The following VPS13B variants were observed in gnomAD, a reference collection of about 807,000 sequenced individuals.
VPS13B encodes the protein vacuolar protein sorting 13 homolog B, also known as intermembrane lipid transfer protein VPS13B.
In VPS13B, 285 loss-of-function variants were observed where a neutral mutation model predicts 426.4. The observed-to-expected ratio is 0.67, with a 90% confidence interval of 0.61 to 0.74. The LOEUF (loss-of-function observed/expected upper bound fraction) is 0.74. Among genes scored for constraint, VPS13B ranks in the 30% least tolerant of loss-of-function variants. The pLI, the probability that VPS13B is intolerant of heterozygous loss-of-function variation, is 0.00. For missense variants in VPS13B, 4,537 were observed against 4,782.6 expected (o/e 0.95, Z 1.51); for synonymous variants, 1,676 against 1,676.4 (o/e 1.00, Z 0.01).
At chr8:99,540,821 T>C (rs1344992857) in intron 30 of VPS13B, among the ~76,000 whole-genome samples, 2 of 152,194 alleles carry the variant, frequency 1.3e-5, no homozygotes, top group African/African-American at 2.4e-5. Context: ...ATTTTTATTG[T>C]GGTTTCGAGG....
chr8:99,874,832 C>G (rs1334554087), intron 61 of VPS13B, among the ~76,000 whole-genome samples: 2 of 152,140 alleles, frequency 1.3e-5, no homozygotes, highest in Non-Finnish European at 2.9e-5. Context: ...ATAAAAATTT[C>G]CCCTTCCGCT....
chr8:99,156,929 G>C (rs1013742793), intron 15 of VPS13B, among the ~76,000 whole-genome samples, 186 bp downstream of exon 15: 1 of 152,070 alleles, frequency 6.6e-6, no homozygotes, highest in Admixed American at 6.5e-5. Flanking sequence ...TTATTTTAAA[G>C]ATTTTTCAAT....
Position 99,580,340 on chromosome 8 carries a change from A to ATTTCT in VPS13B, c.5220+2731_5220+2735dup, listed in dbSNP as rs530175864. ...TATAACATTAAATATATATATATAT[A>ATTTCT]TTTCTTTTCTTTTCTTTTCTTTTCT... On this transcript the variant is annotated intron_variant, in intron 33 of 61. Coordinates refer to ENST00000357162, the MANE Select transcript of VPS13B (RefSeq NM_152564.5). Among the ~76,000 whole-genome samples, 516 of 141,366 alleles carry ATTTCT rather than the reference A, an allele frequency of 3.7e-3. 3 individuals carry two copies. The highest frequency in any genetic ancestry group is 0.01 in the African/African-American group (391 of 38,254). The allele number at this position is 141,366 out of a possible 152,430, so 92.7% of individuals were successfully genotyped here.
chr8:99,399,885 T>A (rs1449009499), intron 21 of VPS13B, among the ~76,000 whole-genome samples: 2 of 152,208 alleles, frequency 1.3e-5, no homozygotes, highest in African/African-American at 4.8e-5. Context: ...ATACTACACT[T>A]TATTTAACAT....
At chr8:99,573,741 C>T (rs2133804348) in intron 31 of VPS13B, among the ~76,000 whole-genome samples, 1 of 152,152 alleles carries the variant, frequency 6.6e-6, no homozygotes, top group African/African-American at 2.4e-5. Context: ...CGTGATGCCT[C>T]CAGCTTTGTT....
chr8:99,030,212 GT>G (rs1168780930), intron 2 of VPS13B, among the ~76,000 whole-genome samples: 46 of 29,128 alleles, frequency 1.6e-3, no homozygotes, highest in African/African-American at 5.2e-3. Flanking sequence ...TTAATTATCT[GT>G]TTTTTTTGTT....
At chr8:99,565,685 A>G (rs1825143094) in intron 31 of VPS13B, among the ~76,000 whole-genome samples, 1 of 152,210 alleles carries the variant, frequency 6.6e-6, no homozygotes, top group East Asian at 1.9e-4. Flanking sequence ...TTAATCAAAC[A>G]TGAGATTTTT....
intron 27 of VPS13B, among the ~76,000 whole-genome samples, chr8:99,503,343 T>C (rs902186677): frequency 6.6e-6 from 1 of 152,240 alleles, no homozygotes; most frequent in African/African-American, 2.4e-5. Context: ...TGATGGCTGC[T>C]GACTGATCGG....
At chr8:99,539,908 T>C (rs1823466616) in intron 30 of VPS13B, among the ~76,000 whole-genome samples, 1 of 146,338 alleles carries the variant, frequency 6.8e-6, no homozygotes, top group African/African-American at 2.5e-5. Flanking sequence ...AGCATTTATA[T>C]ATATATATAC....
rs1450351706 is a variant in VPS13B at position 99,835,535 on chromosome 8, T to G, written c.9743-4T>G. 2.5e-6 allele frequency: 4 copies of G among 1,614,016 alleles called. No individual in the cohort carries two copies. The highest frequency in any genetic ancestry group is 1.7e-5 in the Admixed American group (1 of 60,018). ...TTCTGCATATGCCTTTTTTAAAATT[T>G]CAGATATTCCAAAGTTTGAGGTTTA... On this transcript the variant is annotated splice_polypyrimidine_tract_variant and splice_region_variant and intron_variant, in intron 53 of 61. Coordinates refer to ENST00000357162, the MANE Select transcript of VPS13B (RefSeq NM_152564.5).
At chr8:99,633,182 G>A (rs1828918573) in intron 33 of VPS13B, among the ~76,000 whole-genome samples, 1 of 151,950 alleles carries the variant, frequency 6.6e-6, no homozygotes, top group Non-Finnish European at 1.5e-5. Flanking sequence ...TGATTTAGGG[G>A]ATAAAGTAAT....
chr8:99,571,412 G>T (rs1271540670), intron 31 of VPS13B, among the ~76,000 whole-genome samples: 1 of 151,998 alleles, frequency 6.6e-6, no homozygotes, highest in Non-Finnish European at 1.5e-5. Context: ...ATTTACCAGA[G>T]ATATCATAAA....
chr8:99,260,069 G>A (rs571387898), intron 17 of VPS13B, among the ~76,000 whole-genome samples: 8 of 152,170 alleles, frequency 5.3e-5, no homozygotes, highest in African/African-American at 1.9e-4. Flanking sequence ...GAATTTTTTG[G>A]AGGTTGGAAG....
intron 36 of VPS13B, among the ~76,000 whole-genome samples, chr8:99,709,989 G>A (rs1451836599): frequency 1.3e-5 from 2 of 152,178 alleles, no homozygotes; most frequent in Non-Finnish European, 2.9e-5. Context: ...AAAATGACCT[G>A]ATCAGCAATT....
chr8:99,472,821 T>C (rs546451096), intron 24 of VPS13B, among the ~76,000 whole-genome samples: 1 of 152,082 alleles, frequency 6.6e-6, no homozygotes, highest in African/African-American at 2.4e-5. Flanking sequence ...AAATGCAAAC[T>C]ACTAATATCA....
At chr8:99,811,193 T>C (rs947416567) in intron 44 of VPS13B, among the ~76,000 whole-genome samples, 1 of 152,204 alleles carries the variant, frequency 6.6e-6, no homozygotes, top group African/African-American at 2.4e-5. Flanking sequence ...CAGCCCTTTC[T>C]GTTTGCTACC....
In VPS13B at chr8:99,821,357, A is replaced by T; in HGVS notation, c.9058A>T (p.Lys3020Ter). The change falls in exon 50 of 62, where the codon AAA becomes TAA. Residue 3020 changes from lysine (K) to a stop codon, truncating the protein, a stop_gained. Transcript: ENST00000357162. LOFTEE classifies it high-confidence loss of function. ...CACTGTGCACAAGTCAGTAGCAATT[A>T]AACTGGTCCATAACCTGACATCTCC... ...TNTVHKSVAI[K>*]LVHNLTSPKW... 1 of 1,613,906 alleles carries T rather than the reference A, an allele frequency of 6.2e-7. No homozygotes were observed. The highest frequency in any genetic ancestry group is 8.5e-7 in the Non-Finnish European group (1 of 1,179,848).
chr8:99,183,328 C>CT (rs1230121949), intron 16 of VPS13B, among the ~76,000 whole-genome samples: 4 of 151,728 alleles, frequency 2.6e-5, no homozygotes, highest in African/African-American at 7.2e-5. Context: ...GTTTGTTTTT[C>CT]TTTTTTTTGA....
chr8:99,452,331 G>A (rs1818238862), intron 23 of VPS13B, among the ~76,000 whole-genome samples: 2 of 152,094 alleles, frequency 1.3e-5, no homozygotes, highest in Non-Finnish European at 2.9e-5. Context: ...ACTCTGTGCT[G>A]TCTTTGTACT....
Sources: allele counts gnomAD v4.1 joint callset (sites outside exome capture counted in the v4.1 genomes callset), GRCh38; gene constraint gnomAD v4.1.1; transcripts MANE v1.5; gene names NCBI Gene and HGNC (gene_info 2026-07-23, HGNC 2026-07-21).